TCF7L1: variants seen among roughly 807,000 people sequenced by gnomAD.
TCF7L1 encodes transcription factor 7-like 1.
TCF7L1 carries 18 observed loss-of-function variants against 63.7 expected under a neutral mutation model. That is an observed-to-expected ratio of 0.28 (90% CI 0.20 to 0.42). The LOEUF is 0.42. Among genes scored for constraint, TCF7L1 ranks in the 10% least tolerant of loss-of-function variants. TCF7L1 has a pLI of 1.00. For missense variants in TCF7L1, 654 were observed against 779.3 expected (o/e 0.84, Z 1.91); for synonymous variants, 355 against 340.9 (o/e 1.04, Z -0.46).
chr2:85,293,789 G>A (rs1681778352), intron 4 of TCF7L1, among the ~76,000 whole-genome samples: 1 of 152,164 alleles, frequency 6.6e-6, no homozygotes, highest in Admixed American at 6.5e-5. Context: ...AGTACTTCCT[G>A]TCAGAGTTTA....
At chr2:85,173,417 G>A (rs1311319732) in intron 3 of TCF7L1, among the ~76,000 whole-genome samples, 1 of 152,096 alleles carries the variant, frequency 6.6e-6, no homozygotes, top group Non-Finnish European at 1.5e-5. Context: ...AACAGAAACA[G>A]CACCATGGGG....
intron 3 of TCF7L1, among the ~76,000 whole-genome samples, chr2:85,217,679 C>A (rs1170653149): frequency 1.3e-5 from 2 of 152,202 alleles, no homozygotes; most frequent in African/African-American, 4.8e-5. Context: ...CTCCCTCCCC[C>A]AATACCCTGT....
chr2:85,195,059 G>A (rs1572986649), intron 3 of TCF7L1, among the ~76,000 whole-genome samples: 1 of 152,246 alleles, frequency 6.6e-6, no homozygotes, highest in Non-Finnish European at 1.5e-5. Flanking sequence ...TTTGCCCTAT[G>A]GCGTAGTGGC....
Position 85,134,103 on chromosome 2 carries a change from C to G in TCF7L1, c.313+24C>G. ...AGGTATGTGCCCGCTGGGACAGCCC[C>G]CCACTCTCGATTCCCGCTGCGCTCC... On this transcript the variant is annotated intron_variant, in intron 2 of 11. Transcript: ENST00000282111. The surrounding 1 kb of genome is among the most constrained non-coding windows in gnomAD (Gnocchi z 5.0). 6.2e-7 allele frequency: 1 copy of G among 1,606,356 alleles called. No individual in the cohort carries two copies. Among genetic ancestry groups the G allele is most frequent in the South Asian group, 1.1e-5 (1 of 90,126 alleles).
At chr2:85,232,247 G>C (rs910183418) in intron 3 of TCF7L1, among the ~76,000 whole-genome samples, 1 of 152,160 alleles carries the variant, frequency 6.6e-6, no homozygotes, top group Non-Finnish European at 1.5e-5. Flanking sequence ...GTTTGTTTTT[G>C]TGATTGTTAT....
intron 4 of TCF7L1, among the ~76,000 whole-genome samples, chr2:85,292,266 C>T (rs1235200915): frequency 3.1e-5 from 4 of 128,358 alleles, no homozygotes; most frequent in Non-Finnish European, 1.6e-5. Flanking sequence ...GTGATCCGCC[C>T]GCCTCGGCCT....
intron 3 of TCF7L1, among the ~76,000 whole-genome samples, chr2:85,166,669 G>A (rs146173948): frequency 1.4e-3 from 207 of 152,298 alleles, no homozygotes; most frequent in African/African-American, 4.8e-3. Context: ...TGTGAGATCC[G>A]ATTACCACAG....
rs1438925492 is a variant in TCF7L1 at position 85,305,165 on chromosome 2, G to A, written c.846-95G>A. 6 of 1,540,918 alleles carry A rather than the reference G, an allele frequency of 3.9e-6. No individual in the cohort carries two copies. In the African/African-American group the frequency reaches 6.8e-5, roughly 17 times the overall value. On this transcript the variant is annotated intron_variant, in intron 7 of 11. Coordinates refer to ENST00000282111, the MANE Select transcript of TCF7L1 (RefSeq NM_031283.3). The stretch of plus-strand genomic sequence containing the variant: ...GAGACTCTGCCCCACGGACATGCCT[G>A]TGCCCTTAAGGCAGAGAGCCACCGT...
intron 3 of TCF7L1, among the ~76,000 whole-genome samples, chr2:85,195,708 G>A (rs760282286): frequency 2.6e-5 from 4 of 151,766 alleles, no homozygotes; most frequent in East Asian, 1.9e-4. Flanking sequence ...CACCACCCCC[G>A]GCCAATTTTT....
At chr2:85,172,856 C>A (rs1425072636) in intron 3 of TCF7L1, among the ~76,000 whole-genome samples, 1 of 152,270 alleles carries the variant, frequency 6.6e-6, no homozygotes, top group East Asian at 1.9e-4. Flanking sequence ...GTCCGCCCCA[C>A]CTCCAGCCCT....
chr2:85,202,073 C>T (rs1679283403), intron 3 of TCF7L1, among the ~76,000 whole-genome samples: 2 of 152,118 alleles, frequency 1.3e-5, no homozygotes, highest in South Asian at 4.1e-4. Flanking sequence ...AGTGATTCTC[C>T]TGCCTTAGCC....
chr2:85,216,849 A>G (rs1185689555), intron 3 of TCF7L1, among the ~76,000 whole-genome samples: 1 of 152,184 alleles, frequency 6.6e-6, no homozygotes, highest in Non-Finnish European at 1.5e-5. Flanking sequence ...TACCTGAGAA[A>G]GGGGCTTCTC....
intron 3 of TCF7L1, among the ~76,000 whole-genome samples, chr2:85,232,266 T>G (rs1174978420): frequency 6.6e-6 from 1 of 152,176 alleles, no homozygotes; most frequent in Non-Finnish European, 1.5e-5. Context: ...ATTTTAAGTC[T>G]CTCTCAGGAA....
At chr2:85,251,377 G>C (rs1213836487) in intron 3 of TCF7L1, among the ~76,000 whole-genome samples, 1 of 152,200 alleles carries the variant, frequency 6.6e-6, no homozygotes, top group African/African-American at 2.4e-5. Context: ...TTGTGAGGAA[G>C]AAATAAAAAG....
chr2:85,235,333 T>C (rs1450166486), intron 3 of TCF7L1, among the ~76,000 whole-genome samples: 1 of 151,790 alleles, frequency 6.6e-6, no homozygotes, highest in African/African-American at 2.4e-5. Flanking sequence ...TTATGGACTT[T>C]GTCTGTCCCT....
At chr2:85,165,760 A>C (rs1678402169) in intron 3 of TCF7L1, among the ~76,000 whole-genome samples, 1 of 152,226 alleles carries the variant, frequency 6.6e-6, no homozygotes, top group African/African-American at 2.4e-5. Flanking sequence ...TTTTTAAATA[A>C]TGATAGACTT....
At chr2:85,196,490 TGGAATGTCCA>T (rs1180270682) in intron 3 of TCF7L1, among the ~76,000 whole-genome samples, 2 of 151,778 alleles carry the variant, frequency 1.3e-5, no homozygotes, top group East Asian at 3.9e-4. Context: ...TTGGATGATT[TGGAATGTCCA>T]GGCCGGGCCT....
Position 85,283,358 on chromosome 2 carries a change from G to T in TCF7L1, c.442-137G>T, listed in dbSNP as rs1573025065. The T allele has an allele frequency of 3.7e-6, 3 of 809,608 alleles. No homozygotes were observed. The East Asian group carries it at 7.7e-5, about 21-fold the overall frequency. The allele number at this position is 809,608 out of a possible 1,614,324, so 50.2% of individuals were successfully genotyped here. On this transcript the variant is annotated intron_variant, in intron 3 of 11. Coordinates refer to ENST00000282111, the MANE Select transcript of TCF7L1 (RefSeq NM_031283.3). ...TTATAATCGTTTGGAAATTGACCCA[G>T]TACAGGGCATGTGGCATGAAAATGC...
intron 3 of TCF7L1, among the ~76,000 whole-genome samples, chr2:85,137,745 T>C (rs1295323169): frequency 6.6e-6 from 1 of 151,956 alleles, no homozygotes; most frequent in Non-Finnish European, 1.5e-5. Context: ...ATACAAAAAT[T>C]AGCCAGGCGT....
Sources: allele counts gnomAD v4.1 joint callset (sites outside exome capture counted in the v4.1 genomes callset), GRCh38; gene constraint gnomAD v4.1.1; non-coding constraint Gnocchi (gnomAD v3.1); transcripts MANE v1.5; gene names NCBI Gene and HGNC (gene_info 2026-07-23, HGNC 2026-07-21).